Variants in BLTP3B observed in about 807,000 individuals in gnomAD.
BLTP3B encodes the protein bridge-like lipid transfer protein family member 3B.
chr12:100,098,294 C>T, the BLTP3B span: 13 of 1,486,536 alleles, frequency 8.7e-6, no homozygotes, highest in African/African-American at 2.8e-5. Context: ...TTTTTTTAAT[C>T]GTCCTCTTTT....
the BLTP3B span, among the ~76,000 whole-genome samples, chr12:100,118,829 G>A: frequency 6.6e-6 from 1 of 152,220 alleles, no homozygotes; most frequent in Non-Finnish European, 1.5e-5. Context: ...TCAGCTGGGT[G>A]TTGCGGTTCA....
chr12:100,064,799 T>C, the BLTP3B span, among the ~76,000 whole-genome samples: 1 of 150,592 alleles, frequency 6.6e-6, no homozygotes, highest in African/African-American at 2.4e-5. Context: ...CTCAAAATCT[T>C]GAAACAAATC....
chr12:100,102,884 A>C, the BLTP3B span: 1 of 1,329,546 alleles, frequency 7.5e-7, no homozygotes, highest in Non-Finnish European at 1.0e-6. Flanking sequence ...AATATAAACA[A>C]TTAGATTATT....
chr12:100,117,571 TC>T, the BLTP3B span, among the ~76,000 whole-genome samples: 1 of 151,926 alleles, frequency 6.6e-6, no homozygotes, highest in Non-Finnish European at 1.5e-5. Context: ...CAAGTGATCC[TC>T]CCCTGCCTCG....
At chr12:100,062,898 C>A in the BLTP3B span, among the ~76,000 whole-genome samples, 2 of 151,206 alleles carry the variant, frequency 1.3e-5, no homozygotes, top group Non-Finnish European at 2.9e-5. Context: ...GAGTTTGAGA[C>A]GGCAGTGAGC....
chr12:100,132,163 A>G, the BLTP3B span, among the ~76,000 whole-genome samples: 8 of 152,364 alleles, frequency 5.3e-5, no homozygotes, highest in African/African-American at 1.9e-4. Flanking sequence ...GTAATTGATA[A>G]GAGATCAACT....
chr12:100,058,023 T>A, the BLTP3B span: 1 of 1,550,408 alleles, frequency 6.4e-7, no homozygotes, highest in Non-Finnish European at 8.6e-7. Flanking sequence ...AATAAAATGT[T>A]GTTACCTTAA....
the BLTP3B span, chr12:100,095,837 ACTGTAGG>A: frequency 6.3e-7 from 1 of 1,577,430 alleles, no homozygotes; most frequent in Admixed American, 2.0e-5. Context: ...CAGTCCTTTA[ACTGTAGG>A]AAAAAAAAAT....
chr12:100,127,059 C>A, the BLTP3B span, among the ~76,000 whole-genome samples: 1 of 145,230 alleles, frequency 6.9e-6, no homozygotes. Context: ...AAGCATAAAC[C>A]AGGCCAAAAA....
chr12:100,052,062 C>T, the BLTP3B span, among the ~76,000 whole-genome samples: 1 of 150,802 alleles, frequency 6.6e-6, no homozygotes, highest in South Asian at 2.1e-4. Flanking sequence ...AAAAGATTCC[C>T]TTTAAATTTT....
the BLTP3B span, among the ~76,000 whole-genome samples, chr12:100,137,081 G>A: frequency 6.6e-6 from 1 of 152,174 alleles, no homozygotes; most frequent in African/African-American, 2.4e-5. Context: ...AAAGTGGTAG[G>A]ATTATAGGCA....
the BLTP3B span, among the ~76,000 whole-genome samples, chr12:100,065,986 G>A: frequency 1.3e-3 from 197 of 152,146 alleles, no homozygotes; most frequent in African/African-American, 4.5e-3. Flanking sequence ...ACCCCCTGGC[G>A]GCCCAGCTGT....
the BLTP3B span, among the ~76,000 whole-genome samples, chr12:100,121,531 T>C: frequency 5.3e-5 from 8 of 152,070 alleles, no homozygotes; most frequent in Non-Finnish European, 2.9e-5. Context: ...TGATTACATA[T>C]ATGTTAAAAT....
chr12:100,059,353 T>C, the BLTP3B span: 2 of 1,614,050 alleles, frequency 1.2e-6, no homozygotes, highest in Admixed American at 1.7e-5. Context: ...TTGGGGAAGC[T>C]GGTATATGTT....
the BLTP3B span, among the ~76,000 whole-genome samples, chr12:100,078,260 T>C: frequency 6.6e-6 from 1 of 152,164 alleles, no homozygotes; most frequent in Non-Finnish European, 1.5e-5. Flanking sequence ...GTCTTGCTCC[T>C]GCTTTTGCCA....
the BLTP3B span, among the ~76,000 whole-genome samples, chr12:100,113,212 A>G: frequency 7.8e-3 from 1,179 of 151,682 alleles, 13 homozygotes; most frequent in African/African-American, 0.027. Flanking sequence ...GCGGTGGCTC[A>G]TGCCTGTAAT....
chr12:100,096,639 C>A, the BLTP3B span, among the ~76,000 whole-genome samples: 1 of 151,474 alleles, frequency 6.6e-6, no homozygotes, highest in Non-Finnish European at 1.5e-5. Context: ...GACAACAAAG[C>A]GAGACCCTGT....
chr12:100,059,331 T>C, the BLTP3B span: 31 of 1,614,054 alleles, frequency 1.9e-5, no homozygotes, highest in East Asian at 2.5e-4. Context: ...AAGATTAAAA[T>C]TGTCACAAGA....
At chr12:100,086,291 A>G in the BLTP3B span, 3 of 1,565,240 alleles carry the variant, frequency 1.9e-6, no homozygotes, top group Admixed American at 1.9e-5. Context: ...TATGATAAGG[A>G]TAATAATCTA....
Sources: allele counts gnomAD v4.1 joint callset (sites outside exome capture counted in the v4.1 genomes callset), GRCh38; gene constraint gnomAD v4.1.1; transcripts MANE v1.5; gene names NCBI Gene and HGNC (gene_info 2026-07-23, HGNC 2026-07-21).